Variants in LIFR observed in about 807,000 individuals in gnomAD.
The protein encoded by LIFR is leukemia inhibitory factor receptor.
LIFR carries 84 observed loss-of-function variants against 122.2 expected under a neutral mutation model. The ratio of observed to expected loss-of-function variants is 0.69; its 90% confidence interval spans 0.58 to 0.82. The LOEUF is 0.82. LIFR is among the 40% of genes least tolerant of loss of function. The pLI, the probability that LIFR is intolerant of heterozygous loss-of-function variation, is 0.00. For missense variants in LIFR, 1,294 were observed against 1,311.6 expected (o/e 0.99, Z 0.21); for synonymous variants, 422 against 434.7 (o/e 0.97, Z 0.36).
chr5:38,549,206 G>T (rs1748059170), intron 1 of LIFR, among the ~76,000 whole-genome samples: 1 of 151,096 alleles, frequency 6.6e-6, no homozygotes, highest in South Asian at 2.1e-4. Flanking sequence ...CTAACATTCG[G>T]CCTATAGTCT....
At chr5:38,554,395 T>G (rs952485821) in intron 1 of LIFR, among the ~76,000 whole-genome samples, 1 of 152,264 alleles carries the variant, frequency 6.6e-6, no homozygotes, top group East Asian at 1.9e-4. Context: ...TTTAGGCCTT[T>G]GGGAATAACC....
Position 38,481,693 on chromosome 5 carries a change from G to A in LIFR, c.3196C>T (p.Arg1066Ter), listed in dbSNP as rs1245320367. The change falls in exon 20 of 20, where the codon CGA becomes TGA. Residue 1066 changes from arginine to a stop codon, truncating the protein, a stop_gained. Coordinates refer to ENST00000453190, the MANE Select transcript of LIFR (RefSeq NM_001127671.2). LOFTEE classifies it high-confidence loss of function. ...TCTTTAGGAGGAATCAAAAATTGTC[G>A]GGAATTAATGGAGCATGGACTTCCA... is the stretch of plus-strand genomic sequence containing the variant. ...SFGSPCSINSRQFLIPPKDED... is the reference protein window; with the variant it reads ...SFGSPCSINS 7 of 1,613,964 alleles carry A rather than the reference G, an allele frequency of 4.3e-6. No homozygotes were observed. The highest frequency in any genetic ancestry group is 1.3e-5 in the African/African-American group (1 of 74,906).
chr5:38,559,048 A>C (rs1478264810), upstream of LIFR: 2 of 152,288 alleles, frequency 1.3e-5, no homozygotes, highest in Non-Finnish European at 2.9e-5. Context: ...GTACATAAAC[A>C]TATGACCAGG....
At chr5:38,537,363 C>T (rs1341147503) in intron 1 of LIFR, among the ~76,000 whole-genome samples, 2 of 152,196 alleles carry the variant, frequency 1.3e-5, no homozygotes, top group Non-Finnish European at 2.9e-5. Flanking sequence ...ATTTCCCATT[C>T]TTCCATCTTT....
At chr5:38,494,468 A>C (rs367897194) in intron 13 of LIFR, among the ~76,000 whole-genome samples, 1 of 151,954 alleles carries the variant, frequency 6.6e-6, no homozygotes. Flanking sequence ...GGCAAGGGGC[A>C]AGGGGCAAAG....
chr5:38,494,491 A>G (rs1283643295), intron 13 of LIFR, among the ~76,000 whole-genome samples: 1 of 152,080 alleles, frequency 6.6e-6, no homozygotes, highest in Non-Finnish European at 1.5e-5. Flanking sequence ...TGAGGGCAGA[A>G]GACAGGCGCA....
chr5:38,532,586 CG>C (rs149700669), intron 1 of LIFR, among the ~76,000 whole-genome samples: 1 of 152,096 alleles, frequency 6.6e-6, no homozygotes, highest in South Asian at 2.1e-4. Context: ...GAAGGATCAA[CG>C]GCAGTGTCAC....
chr5:38,484,180 G>A (rs115873331), intron 18 of LIFR, among the ~76,000 whole-genome samples: 6 of 152,334 alleles, frequency 3.9e-5, no homozygotes, highest in Non-Finnish European at 5.9e-5. Flanking sequence ...CGACCAGCTC[G>A]CAGGACGTAG....
At chr5:38,516,584 T>C (rs1378363018) in intron 5 of LIFR, among the ~76,000 whole-genome samples, 2 of 152,114 alleles carry the variant, frequency 1.3e-5, no homozygotes, top group South Asian at 2.1e-4. Flanking sequence ...TGTGGAGAAA[T>C]AGGAATGCTT....
At chr5:38,505,777 T>C in intron 9 of LIFR, 128 bp downstream of exon 9, 1 of 389,074 alleles carries the variant, frequency 2.6e-6, no homozygotes, top group East Asian at 4.4e-5. Flanking sequence ...AAATAAAATT[T>C]ATGAAATTAA....
At chr5:38,519,387 G>A (rs1354453770) in intron 5 of LIFR, among the ~76,000 whole-genome samples, 1 of 152,126 alleles carries the variant, frequency 6.6e-6, no homozygotes, top group Non-Finnish European at 1.5e-5. Context: ...TTGGTTACAT[G>A]CACAGAATGT....
At chr5:38,598,969 C>T (rs993892779), upstream of LIFR, among the ~76,000 whole-genome samples, 3 of 152,260 alleles carry the variant, frequency 2.0e-5, no homozygotes, top group African/African-American at 7.2e-5. Flanking sequence ...CTATGATTAT[C>T]CTTATCTTGT....
intron 1 of LIFR, among the ~76,000 whole-genome samples, chr5:38,574,303 C>T (rs1749313056): frequency 6.6e-6 from 1 of 152,114 alleles, no homozygotes; most frequent in East Asian, 1.9e-4. Context: ...TTTCATCTGC[C>T]TGAAATTTGT....
intron 1 of LIFR, among the ~76,000 whole-genome samples, chr5:38,539,837 G>A (rs960118032): frequency 3.3e-5 from 5 of 152,060 alleles, no homozygotes; most frequent in Non-Finnish European, 5.9e-5. Context: ...CAGATATTAT[G>A]CATTATTTAA....
At chr5:38,512,965 A>T (rs1745881280) in intron 5 of LIFR, among the ~76,000 whole-genome samples, 2 of 152,168 alleles carry the variant, frequency 1.3e-5, no homozygotes, top group South Asian at 4.1e-4. Flanking sequence ...TAAATAGAAG[A>T]TTAAATATGT....
chr5:38,486,047 C>T, intron 16 of LIFR, 67 bp from the exon 17 acceptor site: 5 of 1,440,794 alleles, frequency 3.5e-6, no homozygotes, highest in East Asian at 2.3e-5. Flanking sequence ...TTACCCACAC[C>T]TGTCTCACCA....
intron 1 of LIFR, among the ~76,000 whole-genome samples, chr5:38,555,493 C>G (rs1282160619): frequency 6.6e-6 from 1 of 152,130 alleles, no homozygotes; most frequent in African/African-American, 2.4e-5. Context: ...TGAAACTGAA[C>G]AGGAATCGGA....
intron 11 of LIFR, among the ~76,000 whole-genome samples, chr5:38,500,317 G>C (rs1745111292): frequency 6.6e-6 from 1 of 152,222 alleles, no homozygotes; most frequent in African/African-American, 2.4e-5. Flanking sequence ...CATACAGGTT[G>C]AGTATCCCTC....
In LIFR at chr5:38,507,479, G is replaced by A. The variant is rs544947586; in HGVS notation, c.992-847C>T. ...TTCGGGAGGCTGAGGCAGGAGAACC[G>A]CTTGAACCTGGGAGGTGGAGGCTGC... On this transcript the variant is annotated intron_variant, in intron 7 of 19. Transcript: ENST00000453190. Among the ~76,000 whole-genome samples the A allele has an allele frequency of 4.1e-3, 608 of 147,872 alleles. 1 individual carries two copies. The highest frequency in any genetic ancestry group is 6.1e-3 in the Non-Finnish European group (415 of 67,614).
Sources: allele counts gnomAD v4.1 joint callset (sites outside exome capture counted in the v4.1 genomes callset), GRCh38; gene constraint gnomAD v4.1.1; transcripts MANE v1.5; gene names NCBI Gene and HGNC (gene_info 2026-07-23, HGNC 2026-07-21).